Variants in EFNB2 observed in about 807,000 individuals in gnomAD.
EFNB2 encodes the protein ephrin-B2.
Under a neutral mutation model 32.1 loss-of-function variants are expected in EFNB2, and 5 were observed. That is an observed-to-expected ratio of 0.16 (90% CI 0.08 to 0.33). The LOEUF is 0.33. EFNB2 is among the 10% of genes least tolerant of loss of function. The pLI is 1.00. For synonymous variants in EFNB2, 168 were observed against 166.5 expected (o/e 1.01, Z -0.07); for missense variants, 263 against 422.6 (o/e 0.62, Z 3.31).
chr13:106,505,815 A>G (rs543727561), intron 2 of EFNB2, among the ~76,000 whole-genome samples: 1 of 152,370 alleles, frequency 6.6e-6, no homozygotes, highest in South Asian at 2.1e-4. Flanking sequence ...GATACATTTT[A>G]TGAAATAATG....
chr13:106,515,667 G>A (rs769262879), intron 1 of EFNB2, among the ~76,000 whole-genome samples: 16 of 152,224 alleles, frequency 1.1e-4, no homozygotes, highest in African/African-American at 2.6e-4. Flanking sequence ...CTTTTTAAGC[G>A]TATATATAAA....
chr13:106,497,341 C>T (rs1039171201), intron 2 of EFNB2, among the ~76,000 whole-genome samples: 27 of 151,604 alleles, frequency 1.8e-4, no homozygotes, highest in African/African-American at 4.8e-4. Flanking sequence ...AAATTTTTCC[C>T]GGGAAACTGG....
chr13:106,508,528 G>A (rs1879033290), intron 2 of EFNB2, among the ~76,000 whole-genome samples: 1 of 151,940 alleles, frequency 6.6e-6, no homozygotes, highest in African/African-American at 2.4e-5. Context: ...TCAGGCCCAG[G>A]GCTAATTACT....
At chr13:106,499,469 T>C (rs2138904798) in intron 2 of EFNB2, among the ~76,000 whole-genome samples, 1 of 152,332 alleles carries the variant, frequency 6.6e-6, no homozygotes, top group Non-Finnish European at 1.5e-5. Flanking sequence ...AGGAGACAAT[T>C]CTGCAATTAT....
At chr13:106,530,596 C>T (rs536178092) in intron 1 of EFNB2, among the ~76,000 whole-genome samples, 3 of 152,216 alleles carry the variant, frequency 2.0e-5, no homozygotes, top group Non-Finnish European at 4.4e-5. Context: ...TCTCATAAAA[C>T]GTTAAAGAAA....
chr13:106,495,276 T>C (rs139395902), intron 3 of EFNB2, among the ~76,000 whole-genome samples: 10 of 152,362 alleles, frequency 6.6e-5, no homozygotes, highest in Non-Finnish European at 1.0e-4. Context: ...AGCAAGTTGA[T>C]TGACTACTAT....
chr13:106,519,058 T>C (rs904129763), intron 1 of EFNB2: 2 of 151,048 alleles, frequency 1.3e-5, no homozygotes, highest in South Asian at 2.1e-4. Flanking sequence ...TGAGTTAATA[T>C]GTTAGTAACT....
intron 2 of EFNB2, among the ~76,000 whole-genome samples, chr13:106,501,888 G>C (rs9514542): frequency 1.3e-5 from 2 of 152,050 alleles, no homozygotes; most frequent in East Asian, 1.9e-4. Flanking sequence ...CACCGCGCCC[G>C]GCCCAGAATT....
chr13:106,516,068 G>C (rs1227440462), intron 1 of EFNB2: 2 of 152,156 alleles, frequency 1.3e-5, no homozygotes, highest in Non-Finnish European at 2.9e-5. Context: ...ACAAAAAATA[G>C]GAATGAACAA....
At chr13:106,511,472 C>T (rs1879139632) in intron 2 of EFNB2, among the ~76,000 whole-genome samples, 1 of 152,200 alleles carries the variant, frequency 6.6e-6, no homozygotes, top group Admixed American at 6.5e-5. Flanking sequence ...CAAAGCTAGA[C>T]CCTGTCTCTA....
intron 1 of EFNB2, 148 bp from the exon 2 acceptor site, chr13:106,512,960 C>A: frequency 1.5e-6 from 1 of 667,158 alleles, no homozygotes; most frequent in South Asian, 3.2e-5. Context: ...TACTTCAGAT[C>A]AATATGGGAT....
intron 4 of EFNB2, among the ~76,000 whole-genome samples, chr13:106,494,525 G>A (rs189577713): frequency 1.1e-4 from 17 of 152,320 alleles, no homozygotes; most frequent in Non-Finnish European, 2.5e-4. Context: ...ATAATTAGAT[G>A]AGGGATTAGC....
chr13:106,517,662 C>T (rs544859356), intron 1 of EFNB2: 2 of 152,354 alleles, frequency 1.3e-5, no homozygotes, highest in Admixed American at 1.3e-4. Context: ...AAGAGTGAGG[C>T]ATACTGAGTG....
chr13:106,527,769 C>T (rs1415498331), intron 1 of EFNB2, among the ~76,000 whole-genome samples: 2 of 152,230 alleles, frequency 1.3e-5, no homozygotes, highest in East Asian at 1.9e-4. Context: ...ATCTCTAATA[C>T]TTCTGAAATA....
In EFNB2 at chr13:106,490,406, T is replaced by C. The variant is rs1479033096; in HGVS notation, c.*2634A>G. On this transcript the variant is annotated 3_prime_UTR_variant, in exon 5 of 5. Transcript: ENST00000646441. ...AACCAACTTCAAACAAAGGGACAGT[T>C]GGTAGATTGTCATATTCTGCACCAG... 2.0e-5 allele frequency: 3 copies of C among 152,160 alleles called. No individual in the cohort carries two copies. The highest frequency in any genetic ancestry group is 4.4e-5 in the Non-Finnish European group (3 of 68,026). The allele number at this position is 152,160 out of a possible 1,614,324, so 9.4% of individuals were successfully genotyped here.
At chr13:106,532,558 G>A (rs181876205) in intron 1 of EFNB2, among the ~76,000 whole-genome samples, 1 of 152,294 alleles carries the variant, frequency 6.6e-6, no homozygotes, top group Non-Finnish European at 1.5e-5. Flanking sequence ...AAAACTTAGA[G>A]AGGACTCTTT....
Position 106,492,853 on chromosome 13 carries a change from A to C in EFNB2, c.*187T>G. 1.4e-6 allele frequency: 1 copy of C among 732,470 alleles called. No individual in the cohort carries two copies. The highest frequency in any genetic ancestry group is 2.2e-6 in the Non-Finnish European group (1 of 464,858). 45.4% of individuals were successfully genotyped at this position (732,470 alleles called of 1,614,324 possible). A position where few individuals can be genotyped will look rare whatever the true frequency, so the allele number is the denominator to read the frequency against. ...CAGCTTCCAGGGAGCGTGTGTGTTCACCAAGGCCGAATGCTACAAGACTAG... is the reference window on the plus strand; with the variant it reads ...CAGCTTCCAGGGAGCGTGTGTGTTCCCCAAGGCCGAATGCTACAAGACTAG... On this transcript the variant is annotated 3_prime_UTR_variant, in exon 5 of 5. Coordinates refer to ENST00000646441, the MANE Select transcript of EFNB2 (RefSeq NM_004093.4). This position sits in a 1 kb window ranked among gnomAD's most constrained non-coding sequence, Gnocchi z 5.1.
At chr13:106,530,759 G>C (rs1012106967) in intron 1 of EFNB2, among the ~76,000 whole-genome samples, 1 of 152,120 alleles carries the variant, frequency 6.6e-6, no homozygotes, top group Non-Finnish European at 1.5e-5. Context: ...CCCGAAGTTT[G>C]GTGTCATACT....
Position 106,490,094 on chromosome 13 carries a change from T to C in EFNB2, c.*2946A>G, listed in dbSNP as rs1878348347. ...TGCCGTTAAACAAGCTGTAGCTAAA[T>C]ACATTGCAAAATTCAGATTTTATAC... On this transcript the variant is annotated 3_prime_UTR_variant, in exon 5 of 5. Coordinates refer to ENST00000646441, the MANE Select transcript of EFNB2 (RefSeq NM_004093.4). The C allele has an allele frequency of 6.6e-6, 1 of 152,650 alleles. No individual in the cohort carries two copies. The allele number at this position is 152,650 out of a possible 1,614,324, so 9.5% of individuals were successfully genotyped here. A position where few individuals can be genotyped will look rare whatever the true frequency, so the allele number is the denominator to read the frequency against.
Sources: gnomAD v4.1 joint callset for allele counts (sites outside exome capture counted in the v4.1 genomes callset) on GRCh38, gnomAD v4.1.1 for gene constraint, Gnocchi (gnomAD v3.1) non-coding constraint, MANE v1.5 for transcripts, NCBI Gene and HGNC (gene_info 2026-07-23, HGNC 2026-07-21) for gene names.